PCDH11X: variants seen among roughly 807,000 people sequenced by gnomAD.
The protein encoded by PCDH11X is protocadherin-11 X-linked.
A neutral mutation model predicts 53.3 loss-of-function variants in PCDH11X; 18 were observed. That is an observed-to-expected ratio of 0.34 (90% CI 0.23 to 0.50). The LOEUF is 0.50. Ranked by LOEUF, PCDH11X falls within the 20% of genes least tolerant of loss-of-function variation. The pLI is 0.98. For missense variants in PCDH11X, 570 were observed against 1,032.4 expected, an observed-to-expected ratio of 0.55 and a Z score of 6.14; for synonymous variants, 279 against 393.3, an observed-to-expected ratio of 0.71 and a Z score of 3.44.
chrX:91,999,448 G>T (rs1019261650), intron 6 of PCDH11X, among the ~76,000 whole-genome samples: 1 of 111,304 alleles, frequency 9.0e-6, no homozygotes, highest in Non-Finnish European at 1.9e-5. Context: ...TTTTTTGGAA[G>T]ACAACTATGT....
chrX:92,445,591 T>G (rs1313630697), intron 9 of PCDH11X, among the ~76,000 whole-genome samples: 2 of 109,974 alleles, frequency 1.8e-5, no homozygotes, highest in Non-Finnish European at 3.8e-5. Context: ...TGGGAAAACT[T>G]AATGCATAAG....
intron 6 of PCDH11X, among the ~76,000 whole-genome samples, chrX:91,989,635 A>ATG (rs1302581699): frequency 9.1e-6 from 1 of 109,549 alleles, no homozygotes; most frequent in Non-Finnish European, 1.9e-5. Context: ...ATTTAAGCCC[A>ATG]TGTGGGAGGT....
At chrX:92,516,767 A>C (rs2074277638) in intron 10 of PCDH11X, among the ~76,000 whole-genome samples, 1 of 112,436 alleles carries the variant, frequency 8.9e-6, no homozygotes, top group Admixed American at 9.4e-5. Flanking sequence ...GTTAGAAAAT[A>C]AAACACACAA....
intron 5 of PCDH11X, among the ~76,000 whole-genome samples, chrX:91,853,608 C>T (rs1375895613): frequency 5.6e-5 from 6 of 107,731 alleles, no homozygotes; most frequent in Admixed American, 2.0e-4. Context: ...AAACTTTGAG[C>T]GAAACTATTT....
chrX:92,013,487 C>G (rs1305902552), intron 6 of PCDH11X, among the ~76,000 whole-genome samples: 2 of 111,400 alleles, frequency 1.8e-5, no homozygotes, highest in Non-Finnish European at 3.8e-5. Flanking sequence ...AATGCCATCC[C>G]CATCAAGCTA....
chrX:91,797,996 A>G (rs1460935414), intron 1 of PCDH11X: 3 of 111,782 alleles, frequency 2.7e-5, no homozygotes, highest in Non-Finnish European at 5.6e-5. Flanking sequence ...ACAGCATGGT[A>G]GAAATTTGCC....
At chrX:92,135,344 T>C (rs1569378978) in intron 6 of PCDH11X, among the ~76,000 whole-genome samples, 1 of 111,596 alleles carries the variant, frequency 9.0e-6, no homozygotes, top group Non-Finnish European at 1.9e-5. Context: ...GTCACAATGA[T>C]AGTGTAACGA....
chrX:92,321,387 G>A (rs1173619846), intron 8 of PCDH11X, among the ~76,000 whole-genome samples: 3 of 108,011 alleles, frequency 2.8e-5, no homozygotes, highest in Admixed American at 2.0e-4. Context: ...TAGTAGAGAC[G>A]GGGTTTCACC....
At chrX:92,473,847 A>C (rs1326022469) in intron 10 of PCDH11X, among the ~76,000 whole-genome samples, 1 of 111,550 alleles carries the variant, frequency 9.0e-6, no homozygotes, top group Non-Finnish European at 1.9e-5. Flanking sequence ...ATGTTTTAAG[A>C]ATTGTTTTTT....
At chrX:92,276,971 A>G (rs2068109329) in intron 8 of PCDH11X, among the ~76,000 whole-genome samples, 1 of 111,242 alleles carries the variant, frequency 9.0e-6, no homozygotes. Flanking sequence ...TTTAAGAGTA[A>G]ATTGCTGGGC....
intron 4 of PCDH11X, among the ~76,000 whole-genome samples, chrX:91,824,679 A>G (rs891691046): frequency 9.6e-6 from 1 of 104,485 alleles, no homozygotes; most frequent in African/African-American, 4.1e-5. Flanking sequence ...TCAGCTCGTC[A>G]AAGTCATTCT....
intron 8 of PCDH11X, among the ~76,000 whole-genome samples, chrX:92,368,346 C>T (rs374199660): frequency 4.5e-5 from 5 of 111,537 alleles, no homozygotes; most frequent in Admixed American, 1.9e-4. Flanking sequence ...AGCTCCATAA[C>T]GTCATTTATG....
intron 5 of PCDH11X, among the ~76,000 whole-genome samples, chrX:91,875,749 T>C (rs1367293941): frequency 9.0e-6 from 1 of 110,923 alleles, no homozygotes. Flanking sequence ...GAAAATAACA[T>C]TGCATTGTTA....
chrX:92,138,199 T>C (rs2065114779), intron 6 of PCDH11X, among the ~76,000 whole-genome samples: 1 of 110,117 alleles, frequency 9.1e-6, no homozygotes, highest in Non-Finnish European at 1.9e-5. Context: ...TTCCTTTTTA[T>C]GGCTGCATAG....
chrX:91,898,446 G>T (rs1940832719), intron 6 of PCDH11X, among the ~76,000 whole-genome samples: 1 of 109,553 alleles, frequency 9.1e-6, no homozygotes, highest in Non-Finnish European at 1.9e-5. Context: ...TAGAAATATT[G>T]AGTATAGCTC....
intron 7 of PCDH11X, among the ~76,000 whole-genome samples, chrX:92,219,225 T>G (rs376494008): frequency 2.3e-4 from 25 of 110,425 alleles, no homozygotes; most frequent in Admixed American, 9.7e-4. Context: ...GGAAATAAAG[T>G]GTATTCAATT....
At chrX:92,124,389 T>A (rs377092010) in intron 6 of PCDH11X, among the ~76,000 whole-genome samples, 1 of 109,241 alleles carries the variant, frequency 9.2e-6, no homozygotes, top group African/African-American at 3.3e-5. Context: ...CTACTAAAAA[T>A]ACAAAATTAG....
At chrX:92,210,100 G>T (rs1246087468) in intron 7 of PCDH11X, among the ~76,000 whole-genome samples, 3 of 111,339 alleles carry the variant, frequency 2.7e-5, no homozygotes, top group Non-Finnish European at 5.7e-5. Flanking sequence ...TCTGTGATGA[G>T]AGGGACTTCC....
intron 10 of PCDH11X, among the ~76,000 whole-genome samples, chrX:92,536,649 A>AG (rs1308450957): frequency 1.9e-4 from 17 of 89,168 alleles, no homozygotes; most frequent in African/African-American, 6.2e-4. Context: ...TCTTGGATAA[A>AG]AGCCTTTTTT....
Sources: allele counts gnomAD v4.1 joint callset (sites outside exome capture counted in the v4.1 genomes callset), GRCh38; gene constraint gnomAD v4.1.1; transcripts MANE v1.5; gene names NCBI Gene and HGNC (gene_info 2026-07-23, HGNC 2026-07-21).